STK32B: variants seen among roughly 807,000 people sequenced by gnomAD.
STK32B encodes the protein serine/threonine kinase 32B, also known as serine/threonine-protein kinase 32B.
STK32B carries 43 observed loss-of-function variants against 52.6 expected under a neutral mutation model. The observed-to-expected ratio is 0.82, with a 90% CI of 0.64 to 1.05. The LOEUF is 1.05. Among genes scored for constraint, STK32B ranks in the 50% least tolerant of loss-of-function variants. The pLI is 0.00. For missense variants in STK32B, 621 were observed against 534.6 expected (o/e 1.16, Z -1.59); for synonymous variants, 238 against 204.3 (o/e 1.17, Z -1.41).
chr4:5,211,191 T>C (rs1179807573), intron 3 of STK32B, among the ~76,000 whole-genome samples: 1 of 152,220 alleles, frequency 6.6e-6, no homozygotes, highest in African/African-American at 2.4e-5. Flanking sequence ...TCATTTTCAC[T>C]TTTTAAACTA....
chr4:5,459,839 A>G (rs995043632), intron 8 of STK32B, among the ~76,000 whole-genome samples: 14 of 152,184 alleles, frequency 9.2e-5, no homozygotes, highest in African/African-American at 3.4e-4. Context: ...AGAAAGAAAC[A>G]TGGGGGCTGA....
In STK32B at chr4:5,303,823, T is replaced by G. The variant is rs183596915; in HGVS notation, c.261-27397T>G. ...TTTGTGTAGTTTCAGGTCTTAGATTTAAGTCTTTTATCCATCTTGAGTTGA... is the reference window on the plus strand; with the variant it reads ...TTTGTGTAGTTTCAGGTCTTAGATTGAAGTCTTTTATCCATCTTGAGTTGA... On this transcript the variant is annotated intron_variant, in intron 3 of 11. Transcript: ENST00000282908. 4.7e-3 allele frequency among the ~76,000 whole-genome samples: 712 copies of G among 152,270 alleles called. 4 individuals are homozygous for G. The highest frequency in any genetic ancestry group is 0.016 in the African/African-American group (674 of 41,576).
intron 8 of STK32B, 48 bp downstream of exon 8, chr4:5,456,971 G>A (rs781165011): frequency 6.6e-6 from 9 of 1,368,600 alleles, no homozygotes; most frequent in Admixed American, 5.1e-5. Context: ...TACGGTGAGT[G>A]TAGAAACAGC....
At chr4:5,464,117 G>T (rs1309474977) in intron 9 of STK32B, among the ~76,000 whole-genome samples, 1 of 152,044 alleles carries the variant, frequency 6.6e-6, no homozygotes, top group Middle Eastern at 3.2e-3. Flanking sequence ...GGGGGTGGGG[G>T]GTGCCACACG....
rs189684261 is a variant in STK32B at position 5,313,287 on chromosome 4, T to G, written c.261-17933T>G. Among the ~76,000 whole-genome samples the G allele has an allele frequency of 1.9e-3, 293 of 152,082 alleles. 4 individuals are homozygous for G. The highest frequency in any genetic ancestry group is 6.8e-3 in the African/African-American group (281 of 41,512). ...TCAACAAGCTAAAGAAAAAATCCTATTATTATATCAATTGATGCAGAGAGA... is the reference window on the plus strand; with the variant it reads ...TCAACAAGCTAAAGAAAAAATCCTAGTATTATATCAATTGATGCAGAGAGA... On this transcript the variant is annotated intron_variant, in intron 3 of 11. Coordinates refer to ENST00000282908, the MANE Select transcript of STK32B (RefSeq NM_018401.3).
the STK32B span, among the ~76,000 whole-genome samples, chr4:5,042,081 G>A: frequency 6.6e-6 from 1 of 152,132 alleles, no homozygotes; most frequent in Non-Finnish European, 1.5e-5. Flanking sequence ...TGCAAGTATG[G>A]TGATTACTTG....
chr4:5,396,519 C>T lies in STK32B; in HGVS notation c.435-1688C>T, dbSNP rs28411063. ...TGAAGGGACACCATTCAACCCAGTACGCCAGATCACATCTTCTTGGGTCTG... is the reference window on the plus strand; with the variant it reads ...TGAAGGGACACCATTCAACCCAGTATGCCAGATCACATCTTCTTGGGTCTG... On this transcript the variant is annotated intron_variant, in intron 4 of 11. Transcript: ENST00000282908. The surrounding 1 kb of genome is among the most constrained non-coding windows in gnomAD (Gnocchi z 4.7). 0.035 allele frequency among the ~76,000 whole-genome samples: 5,389 copies of T among 152,244 alleles called. 149 individuals are homozygous for T. Among genetic ancestry groups the T allele is most frequent in the East Asian group, 0.082 (426 of 5,172 alleles).
intron 3 of STK32B, among the ~76,000 whole-genome samples, chr4:5,311,075 C>G (rs932089575): frequency 2.6e-5 from 4 of 151,952 alleles, no homozygotes; most frequent in African/African-American, 9.7e-5. Flanking sequence ...GGGAGGATAG[C>G]CAAAGCTTTG....
chr4:5,427,212 T>G (rs978420423), intron 6 of STK32B, among the ~76,000 whole-genome samples: 28 of 152,228 alleles, frequency 1.8e-4, no homozygotes, highest in Non-Finnish European at 3.7e-4. Context: ...TTTGAAATGT[T>G]GAACCAGCCT....
At chr4:5,475,563 G>A (rs770694721) in intron 11 of STK32B, among the ~76,000 whole-genome samples, 1 of 150,556 alleles carries the variant, frequency 6.6e-6, no homozygotes, top group Non-Finnish European at 1.5e-5. Flanking sequence ...GGCAAGCGTG[G>A]TGGTGCACGC....
chr4:5,160,648 C>A (rs766938626), intron 2 of STK32B, among the ~76,000 whole-genome samples: 3 of 152,206 alleles, frequency 2.0e-5, no homozygotes, highest in Non-Finnish European at 2.9e-5. Flanking sequence ...ATGACTCATT[C>A]ATTCATTCAG....
chr4:5,098,954 C>G (rs7442395), intron 1 of STK32B, among the ~76,000 whole-genome samples: 1 of 152,206 alleles, frequency 6.6e-6, no homozygotes, highest in Non-Finnish European at 1.5e-5. Flanking sequence ...ACTGCCATCT[C>G]CAGTGGCTTA....
intron 11 of STK32B, among the ~76,000 whole-genome samples, chr4:5,495,856 G>T (rs1720187698): frequency 6.6e-6 from 1 of 152,208 alleles, no homozygotes; most frequent in Non-Finnish European, 1.5e-5. Context: ...GACCCTGTTT[G>T]CCTGGGTACC....
chr4:5,030,464 C>T, the STK32B span, among the ~76,000 whole-genome samples: 1 of 152,332 alleles, frequency 6.6e-6, no homozygotes, highest in East Asian at 1.9e-4. Flanking sequence ...GCCATGCTGT[C>T]ATATCCTGGC....
At chr4:5,491,351 T>G (rs1719717895) in intron 11 of STK32B, among the ~76,000 whole-genome samples, 1 of 152,242 alleles carries the variant, frequency 6.6e-6, no homozygotes, top group African/African-American at 2.4e-5. Flanking sequence ...TTTTTTCATG[T>G]GTTTTTTGGC....
chr4:5,247,662 G>A (rs1010199242), intron 3 of STK32B, among the ~76,000 whole-genome samples: 3 of 152,122 alleles, frequency 2.0e-5, no homozygotes, highest in African/African-American at 4.8e-5. Flanking sequence ...CTTCTGCGTC[G>A]CTCATGCTGG....
intron 3 of STK32B, among the ~76,000 whole-genome samples, chr4:5,239,911 C>T (rs138560104): frequency 1.2e-4 from 18 of 152,180 alleles, no homozygotes; most frequent in African/African-American, 4.3e-4. Flanking sequence ...TTATCTCTGC[C>T]ATTCCCTCTG....
chr4:5,187,525 A>C (rs1217036100), intron 3 of STK32B, among the ~76,000 whole-genome samples: 1 of 146,798 alleles, frequency 6.8e-6, no homozygotes, highest in African/African-American at 2.5e-5. Flanking sequence ...AACAAGAGTC[A>C]GTACTGGGAT....
At chr4:5,190,472 G>A (rs1164206613) in intron 3 of STK32B, among the ~76,000 whole-genome samples, 1 of 152,138 alleles carries the variant, frequency 6.6e-6, no homozygotes, top group Admixed American at 6.5e-5. Context: ...AGAGTGCCCT[G>A]TGCCAGGACA....
Sources: allele counts gnomAD v4.1 joint callset (sites outside exome capture counted in the v4.1 genomes callset), GRCh38; gene constraint gnomAD v4.1.1; non-coding constraint Gnocchi (gnomAD v3.1); transcripts MANE v1.5; gene names NCBI Gene and HGNC (gene_info 2026-07-23, HGNC 2026-07-21).